NPAS3: variants seen among roughly 807,000 people sequenced by gnomAD.
The protein encoded by NPAS3 is neuronal PAS domain protein 3.
Under a neutral mutation model 73.1 loss-of-function variants are expected in NPAS3, and 14 were observed. The ratio of observed to expected loss-of-function variants is 0.19; its 90% CI spans 0.13 to 0.30. The LOEUF (loss-of-function observed/expected upper bound fraction) is 0.30. NPAS3 is among the 10% of genes least tolerant of loss of function. NPAS3 has a pLI of 1.00. For synonymous variants in NPAS3, 620 were observed against 541.5 expected (o/e 1.14, Z -2.01); for missense variants, 1,096 against 1,250.0 (o/e 0.88, Z 1.86).
chr14:33,064,605 C>T (rs535681799), intron 2 of NPAS3, among the ~76,000 whole-genome samples: 6 of 152,150 alleles, frequency 3.9e-5, no homozygotes, highest in South Asian at 2.1e-4. Context: ...GGGGAGTAGT[C>T]GTAGATTAGT....
At chr14:32,981,395 C>T (rs909329240) in intron 1 of NPAS3, among the ~76,000 whole-genome samples, 2 of 152,140 alleles carry the variant, frequency 1.3e-5, no homozygotes, top group African/African-American at 4.8e-5. Context: ...AGACAGTGAT[C>T]TTTGAGTCCA....
At chr14:33,330,669 T>C (rs1000197692) in intron 3 of NPAS3, among the ~76,000 whole-genome samples, 2 of 152,236 alleles carry the variant, frequency 1.3e-5, no homozygotes, top group Non-Finnish European at 1.5e-5. Flanking sequence ...TTTTTATAGT[T>C]ATTGGACGTC....
intron 1 of NPAS3, among the ~76,000 whole-genome samples, chr14:32,945,397 C>T (rs1309813805): frequency 6.6e-6 from 1 of 152,116 alleles, no homozygotes; most frequent in Non-Finnish European, 1.5e-5. Context: ...TGGACACTGC[C>T]ATGTTTCAGA....
Position 33,303,127 on chromosome 14 carries a change from G to A in NPAS3, c.386-64059G>A, listed in dbSNP as rs146820649. Among the ~76,000 whole-genome samples the A allele has an allele frequency of 6.3e-3, 960 of 151,926 alleles. 16 individuals are homozygous for A. Among genetic ancestry groups the A allele is most frequent in the African/African-American group, 0.021 (886 of 41,456 alleles). Reference sequence around the variant, plus strand: ...TACAAAATGTACTTTGGAACTTGTCGCCAGATATTTTTTTCCTTTTTTCAG... The same window carrying A: ...TACAAAATGTACTTTGGAACTTGTCACCAGATATTTTTTTCCTTTTTTCAG... On this transcript the variant is annotated intron_variant, in intron 3 of 11. Coordinates refer to ENST00000356141, the Ensembl canonical transcript of NPAS3.
chr14:33,766,833 C>CCCT (rs1408070599), intron 7 of NPAS3, among the ~76,000 whole-genome samples: 1 of 152,148 alleles, frequency 6.6e-6, no homozygotes, highest in African/African-American at 2.4e-5. Context: ...CATTGTCACC[C>CCCT]CCTCCCTGGA....
At chr14:33,382,498 T>A (rs2046599669) in intron 4 of NPAS3, among the ~76,000 whole-genome samples, 1 of 152,136 alleles carries the variant, frequency 6.6e-6, no homozygotes, top group Admixed American at 6.6e-5. Flanking sequence ...AAAGTATATA[T>A]AACCAGCCTC....
intron 1 of NPAS3, among the ~76,000 whole-genome samples, chr14:32,964,757 G>A (rs2037078429): frequency 6.6e-6 from 1 of 151,838 alleles, no homozygotes; most frequent in South Asian, 2.1e-4. Context: ...CAGGAGGATT[G>A]CCTGAAGCTG....
intron 5 of NPAS3, among the ~76,000 whole-genome samples, chr14:33,639,728 T>A (rs2058622866): frequency 6.6e-6 from 1 of 152,210 alleles, no homozygotes; most frequent in Non-Finnish European, 1.5e-5. Flanking sequence ...TTATTCTTTA[T>A]GAATCTGCTT....
rs1273087922 is a variant in NPAS3 at position 33,083,240 on chromosome 14, T to C, written c.140+27246T>C. The stretch of plus-strand genomic sequence containing the variant: ...GAAGGGACTTTGCCTTTGCCTCCAC[T>C]CCATGATAGCAGAGAAAGAGACAAA... On this transcript the variant is annotated intron_variant, in intron 2 of 11. Coordinates refer to ENST00000356141, the Ensembl canonical transcript of NPAS3. 1.3e-4 allele frequency among the ~76,000 whole-genome samples: 15 copies of C among 117,124 alleles called. 1 individual carries two copies. Among genetic ancestry groups the C allele is most frequent in the African/African-American group, 3.0e-4 (10 of 32,974 alleles). 76.8% of individuals were successfully genotyped at this position (117,124 alleles called of 152,430 possible). A position where few individuals can be genotyped will look rare whatever the true frequency, so the allele number is the denominator to read the frequency against.
At chr14:33,416,025 G>A (rs2048129744) in intron 4 of NPAS3, among the ~76,000 whole-genome samples, 1 of 152,060 alleles carries the variant, frequency 6.6e-6, no homozygotes, top group Non-Finnish European at 1.5e-5. Context: ...CTCTGAGGAT[G>A]TCTTTGTTCC....
chr14:33,171,292 C>T (rs1430205647), intron 2 of NPAS3, among the ~76,000 whole-genome samples: 1 of 152,194 alleles, frequency 6.6e-6, no homozygotes, highest in Non-Finnish European at 1.5e-5. Flanking sequence ...CAGCCTTCGT[C>T]GTTCCATTCC....
chr14:33,263,217 T>A (rs1476887540), intron 3 of NPAS3, among the ~76,000 whole-genome samples: 1 of 152,056 alleles, frequency 6.6e-6, no homozygotes, highest in African/African-American at 2.4e-5. Context: ...TGAATGGTAT[T>A]GCCTAGGTTT....
intron 2 of NPAS3, among the ~76,000 whole-genome samples, chr14:33,097,214 CA>C (rs1359420399): frequency 6.6e-6 from 1 of 150,732 alleles, no homozygotes; most frequent in African/African-American, 2.5e-5. Context: ...ATCATCTCTG[CA>C]AAAAAATTGG....
chr14:32,944,919 G>A (rs1383799596), intron 1 of NPAS3, among the ~76,000 whole-genome samples: 2 of 152,162 alleles, frequency 1.3e-5, no homozygotes, highest in Non-Finnish European at 2.9e-5. Context: ...ATGGCCCACA[G>A]TTCTCCTGGC....
At chr14:33,763,238 T>TA (rs1289972651) in intron 7 of NPAS3, among the ~76,000 whole-genome samples, 2 of 152,170 alleles carry the variant, frequency 1.3e-5, no homozygotes, top group Non-Finnish European at 2.9e-5. Context: ...ATCCACTCCA[T>TA]AAAGCGAGAC....
intron 2 of NPAS3, among the ~76,000 whole-genome samples, chr14:33,082,495 C>G (rs1026175377): frequency 1.3e-5 from 2 of 152,182 alleles, no homozygotes; most frequent in African/African-American, 4.8e-5. Context: ...CTGCCACTAC[C>G]ATTGTGTTTT....
At chr14:33,082,021 C>G (rs74775070) in intron 2 of NPAS3, among the ~76,000 whole-genome samples, 9,146 of 152,138 alleles carry the variant, frequency 0.06, 656 homozygotes, top group East Asian at 0.35. Flanking sequence ...ATTGGTCATG[C>G]CAGTGAGAAA....
At chr14:33,086,888 A>G (rs2042042597) in intron 2 of NPAS3, among the ~76,000 whole-genome samples, 1 of 151,974 alleles carries the variant, frequency 6.6e-6, no homozygotes, top group Non-Finnish European at 1.5e-5. Flanking sequence ...TGCATTGCAC[A>G]AGATTCTGGC....
At chr14:33,486,472 C>G (rs2051604207) in intron 4 of NPAS3, among the ~76,000 whole-genome samples, 1 of 152,100 alleles carries the variant, frequency 6.6e-6, no homozygotes, top group South Asian at 2.1e-4. Context: ...CAGAAGCAAC[C>G]CTGGGCTAAC....
Sources: allele counts gnomAD v4.1 joint callset (sites outside exome capture counted in the v4.1 genomes callset), GRCh38; gene constraint gnomAD v4.1.1; transcripts MANE v1.5; gene names NCBI Gene and HGNC (gene_info 2026-07-23, HGNC 2026-07-21).